Variants in LEFTY2 observed in about 807,000 individuals in gnomAD.
LEFTY2 encodes the protein left-right determination factor 2, also known as TGF-beta-4.
LEFTY2 carries 10 observed loss-of-function variants against 26.4 expected under a neutral mutation model. The ratio of observed to expected loss-of-function variants is 0.38; its 90% CI spans 0.23 to 0.64. LEFTY2 has a LOEUF of 0.64. LEFTY2 is among the 30% of genes least tolerant of loss of function. The probability of loss-of-function intolerance (pLI) is 0.56; values close to 1 mark genes in which losing one functional copy is unlikely to be tolerated. For missense variants in LEFTY2, 407 were observed against 502.1 expected (o/e 0.81, Z 1.81); for synonymous variants, 204 against 234.1 (o/e 0.87, Z 1.17).
chr1:225,937,236 G>C lies in LEFTY2; in HGVS notation c.*205C>G, dbSNP rs1307572057. 1 of 699,584 alleles carries C rather than the reference G, an allele frequency of 1.4e-6. No homozygotes were observed. Among genetic ancestry groups the C allele is most frequent in the African/African-American group, 1.8e-5 (1 of 56,080 alleles). The allele number at this position is 699,584 out of a possible 1,614,324, so 43.3% of individuals were successfully genotyped here. On this transcript the variant is annotated 3_prime_UTR_variant, in exon 4 of 4. Coordinates refer to ENST00000366820, the MANE Select transcript of LEFTY2 (RefSeq NM_003240.5). ...TGCCAGCATTTCCTACTAGAGCTCA[G>C]CATCTGAGCTGCATTATTTACTCAC...
Position 225,939,624 on chromosome 1 carries a change from G to A in LEFTY2, c.498-24C>T, listed in dbSNP as rs1672253642. On this transcript the variant is annotated intron_variant, in intron 2 of 3. Transcript: ENST00000366820. This position sits in a 1 kb window ranked among gnomAD's most constrained non-coding sequence, Gnocchi z 4.1. Reference sequence around the variant, plus strand: ...GCCTGAGACATGATACACACGACACGGAGACCCAGCGCCGCTTGAGGGCGG... The same window carrying A: ...GCCTGAGACATGATACACACGACACAGAGACCCAGCGCCGCTTGAGGGCGG... 1.9e-6 allele frequency: 3 copies of A among 1,612,380 alleles called. No homozygotes were observed. The highest frequency in any genetic ancestry group is 1.7e-4 in the Middle Eastern group (1 of 6,036).
At position 225,939,592 on chromosome 1, in the gene LEFTY2, G is replaced by C; in HGVS notation, c.506C>G (p.Ser169Cys). 1 of 1,612,612 alleles carries C rather than the reference G, an allele frequency of 6.2e-7. No homozygotes were observed. The highest frequency in any genetic ancestry group is 1.1e-5 in the South Asian group (1 of 91,090). The change falls in exon 3 of 4, where the codon TCC (serine) becomes TGC (cysteine). Residue 169 changes from serine (S) to cysteine (C), a missense_variant. By Grantham distance (112) the Ser-to-Cys change is moderately radical. Transcript: ENST00000366820. This position sits in a 1 kb window ranked among gnomAD's most constrained non-coding sequence, Gnocchi z 4.1. ...RTSLIDSRLV[S>C]VHESGWKAFD... is the part of the protein sequence containing the mutation. ...GGCCTTCCAGCCGCTCTCGTGGACG[G>C]ACACCAGCCTGAGACATGATACACA...
chr1:225,939,837 C>G lies in LEFTY2; in HGVS notation c.416G>C (p.Arg139Pro). ...ALHRHGRLSP[R>P]SAQARVTVEW... The stretch of plus-strand genomic sequence containing the variant: ...GACGGTCACCCGGGCCTGGGCGCTG[C>G]GCGGGGACAGCCGCCCGTGCCTGTG... The change falls in exon 2 of 4, where the codon CGC becomes CCC. Residue 139 changes from arginine (R) to proline (P), a missense_variant. Coordinates refer to ENST00000366820, the MANE Select transcript of LEFTY2 (RefSeq NM_003240.5). The surrounding 1 kb of genome is among the most constrained non-coding windows in gnomAD (Gnocchi z 4.1). 1 of 1,546,280 alleles carries G rather than the reference C, an allele frequency of 6.5e-7. No homozygotes were observed. Among genetic ancestry groups the G allele is most frequent in the Non-Finnish European group, 8.7e-7 (1 of 1,151,718 alleles).
rs748117464 is a variant in LEFTY2 at position 225,939,371 on chromosome 1, T to C, written c.727A>G (p.Arg243Gly). 21 of 1,613,574 alleles carry C rather than the reference T, an allele frequency of 1.3e-5. No homozygotes were observed. The highest frequency in any genetic ancestry group is 4.5e-5 in the East Asian group (2 of 44,856). Residue 243 changes from arginine (R) to glycine (G), a missense_variant, in exon 3 of 4, where the codon AGG becomes GGG. By Grantham distance (125) the Arg-to-Gly change is moderately radical. Transcript: ENST00000366820. This position sits in a 1 kb window ranked among gnomAD's most constrained non-coding sequence, Gnocchi z 4.1. ...PQLELHTLDL[R>G]DYGAQGDCDP... ...CAGTCCTGCACCTACCCATAGTCCC[T>C]GAGGTCCAGGGTGTGCAGCTCCAGC...
rs1395273330 is a variant in LEFTY2 at position 225,939,801 on chromosome 1, C to T, written c.452G>A (p.Arg151His). 24 of 1,561,056 alleles carry T rather than the reference C, an allele frequency of 1.5e-5. No individual in the cohort carries two copies. The highest frequency in any genetic ancestry group is 2.1e-5 in the Non-Finnish European group (24 of 1,158,426). ...AQARVTVEWL[R>H]VRDDGSNRTS... Reference sequence around the variant, plus strand: ...GCGGTTGGAGCCGTCGTCGCGGACGCGCAGCCACTCGACGGTCACCCGGGC... The same window carrying T: ...GCGGTTGGAGCCGTCGTCGCGGACGTGCAGCCACTCGACGGTCACCCGGGC... The change falls in exon 2 of 4, where the codon CGC (arginine) becomes CAC (histidine). Residue 151 changes from arginine (R) to histidine (H), a missense_variant. Coordinates refer to ENST00000366820, the MANE Select transcript of LEFTY2 (RefSeq NM_003240.5). The surrounding 1 kb of genome is among the most constrained non-coding windows in gnomAD (Gnocchi z 4.1).
chr1:225,937,539 T>C lies in LEFTY2; in HGVS notation c.1003A>G (p.Arg335Gly), dbSNP rs1672182533. 3 of 1,613,912 alleles carry C rather than the reference T, an allele frequency of 1.9e-6. No homozygotes were observed. The African/African-American group carries it at 4.0e-5, about 22-fold the overall frequency. Reference sequence around the variant, plus strand: ...AGGCTGACCACCTGGGGCCTGGTCCTGCCTCCCTCCTTGATGCTGACGATC... The same window carrying C: ...AGGCTGACCACCTGGGGCCTGGTCCCGCCTCCCTCCTTGATGCTGACGATC... The part of the protein sequence containing the change: ...PMIVSIKEGG[R>G]TRPQVVSLPN... The change falls in exon 4 of 4, where the codon AGG becomes GGG. Residue 335 changes from arginine (R) to glycine (G), a missense_variant. By Grantham distance (125) the Arg-to-Gly change is moderately radical. Coordinates refer to ENST00000366820, the MANE Select transcript of LEFTY2 (RefSeq NM_003240.5).
rs1186909641 is a variant in LEFTY2, at chr1:225,937,424, A to G, written c.*17T>C. The stretch of plus-strand genomic sequence containing the variant: ...TGCACACGTTCAGTTAGAGGGCTCA[A>G]TGGATACACCAGGCGCCTATGGCTG... On this transcript the variant is annotated 3_prime_UTR_variant, in exon 4 of 4. Transcript: ENST00000366820. 5.0e-6 allele frequency: 8 copies of G among 1,613,926 alleles called. No individual in the cohort carries two copies. In the East Asian group the frequency reaches 8.9e-5, roughly 18 times the overall value.
intron 3 of LEFTY2, among the ~76,000 whole-genome samples, chr1:225,938,139 G>A (rs944157379): frequency 1.3e-5 from 2 of 152,156 alleles, no homozygotes; most frequent in African/African-American, 2.4e-5. Flanking sequence ...TTCGGTGATG[G>A]GCCAGAGGAC....
In LEFTY2 at chr1:225,939,456, G is replaced by C; in HGVS notation, c.642C>G (p.Gly214=). The stretch of plus-strand genomic sequence containing the variant: ...AGGCAAAGCGGACCAGCTTGTGGGC[G>C]CCGGACGCCAGCGGGCCCAGATGCT... The part of the protein sequence containing the change: ...QREHLGPLAS[G]AHKLVRFASQ... Residue 214 remains glycine (G), a synonymous_variant, in exon 3 of 4, where the codon GGC becomes GGG. Transcript: ENST00000366820. The surrounding 1 kb of genome is among the most constrained non-coding windows in gnomAD (Gnocchi z 4.1). 2 of 1,610,342 alleles carry C rather than the reference G, an allele frequency of 1.2e-6. No homozygotes were observed.
rs1672239041 is a variant in LEFTY2 at position 225,939,306 on chromosome 1, G to A, written c.737+55C>T. ...GTCCCCCAGACAGTCCTGGGGACGG[G>A]GGTCTGGACCACTCAGTGGCTGCTT... On this transcript the variant is annotated intron_variant, in intron 3 of 3. Coordinates refer to ENST00000366820, the MANE Select transcript of LEFTY2 (RefSeq NM_003240.5). The surrounding 1 kb of genome is among the most constrained non-coding windows in gnomAD (Gnocchi z 4.1). 6.2e-7 allele frequency: 1 copy of A among 1,611,158 alleles called. No individual in the cohort carries two copies. The highest frequency in any genetic ancestry group is 1.7e-5 in the Admixed American group (1 of 59,748).
At position 225,939,638 on chromosome 1, in the gene LEFTY2, GC is replaced by G; in HGVS notation, c.498-39del. On this transcript the variant is annotated intron_variant, in intron 2 of 3. Transcript: ENST00000366820. The surrounding 1 kb of genome is among the most constrained non-coding windows in gnomAD (Gnocchi z 4.1). ...ACACACGACACGGAGACCCAGCGCC[GC>G]TTGAGGGCGGGGACTGGGACGGGCC... 1.2e-6 allele frequency: 2 copies of G among 1,612,250 alleles called. No individual in the cohort carries two copies. Among genetic ancestry groups the G allele is most frequent in the East Asian group, 4.5e-5 (2 of 44,850 alleles).
Position 225,939,978 on chromosome 1 carries a change from G to C in LEFTY2, c.275C>G (p.Ser92Trp), listed in dbSNP as rs366439. 2 of 1,595,286 alleles carry C rather than the reference G, an allele frequency of 1.3e-6. No homozygotes were observed. The highest frequency in any genetic ancestry group is 2.7e-5 in the African/African-American group (2 of 74,852). Reference sequence around the variant, plus strand: ...CACCAGCAGGTGTGTGCTGGCCTCCGACGCCAGGAACCTGCCGGCCACCTC... The same window carrying C: ...CACCAGCAGGTGTGTGCTGGCCTCCCACGCCAGGAACCTGCCGGCCACCTC... ...FREVAGRFLA[S>W]EASTHLLVFG... is the part of the protein sequence containing the mutation. Residue 92 changes from serine (S) to tryptophan (W), a missense_variant, in exon 2 of 4, where the codon TCG becomes TGG. By Grantham distance (177) the Ser-to-Trp change is radical (BLOSUM62 -3). Coordinates refer to ENST00000366820, the MANE Select transcript of LEFTY2 (RefSeq NM_003240.5). This position sits in a 1 kb window ranked among gnomAD's most constrained non-coding sequence, Gnocchi z 4.1.
rs2102680990 is a variant in LEFTY2 at position 225,937,446 on chromosome 1, G to A, written c.1096C>T (p.Pro366Ser). The A allele has an allele frequency of 6.2e-7, 1 of 1,613,900 alleles. No homozygotes were observed. Among genetic ancestry groups the A allele is most frequent in the South Asian group, 1.1e-5 (1 of 91,076 alleles). Residue 366 changes from proline to serine, a missense_variant, in exon 4 of 4, where the codon CCA becomes TCA. Transcript: ENST00000366820. ...TCAATGGATACACCAGGCGCCTATG[G>A]CTGGAGCCTCCTTGGCACGAGCGCC... Reference protein sequence around the residue: ...DGALVPRRLQP With the variant: ...DGALVPRRLQS
In LEFTY2 at chr1:225,937,115, G is replaced by T; in HGVS notation, c.*326C>A. On this transcript the variant is annotated 3_prime_UTR_variant, in exon 4 of 4. Coordinates refer to ENST00000366820, the MANE Select transcript of LEFTY2 (RefSeq NM_003240.5). ...TCTGTTTCCCCAGTTCTAATCATAG[G>T]GTATTATTGTTCCAGACTCAGTGAA... 2.1e-6 allele frequency: 1 copy of T among 472,354 alleles called. No individual in the cohort carries two copies. Among genetic ancestry groups the T allele is most frequent in the Non-Finnish European group, 3.9e-6 (1 of 258,130 alleles). The allele number at this position is 472,354 out of a possible 1,614,324, so 29.3% of individuals were successfully genotyped here.
chr1:225,937,854 C>G (rs367895949), intron 3 of LEFTY2, 50 bp from the exon 4 acceptor site: 1 of 1,587,558 alleles, frequency 6.3e-7, no homozygotes, highest in East Asian at 2.3e-5. Context: ...AGGCTGAAGT[C>G]AGAAGGCCTG....
In LEFTY2 at chr1:225,940,054, T is replaced by C. The variant is rs1262569784; in HGVS notation, c.251-52A>G. The C allele has an allele frequency of 4.4e-6, 7 of 1,594,232 alleles. No individual in the cohort carries two copies. The Admixed American group carries it at 1.2e-4, about 27-fold the overall frequency. On this transcript the variant is annotated intron_variant, in intron 1 of 3. Coordinates refer to ENST00000366820, the MANE Select transcript of LEFTY2 (RefSeq NM_003240.5). ...GCCTCCCCGGACTCCAGCGGAGCTC[T>C]GAGGATGGCAGGGCCACTGAGCTGG...
chr1:225,939,222 G>A lies in LEFTY2; in HGVS notation c.737+139C>T. 7 of 1,354,602 alleles carry A rather than the reference G, an allele frequency of 5.2e-6. No homozygotes were observed. The highest frequency in any genetic ancestry group is 7.1e-6 in the Non-Finnish European group (7 of 986,216). 83.9% of individuals were successfully genotyped at this position (1,354,602 alleles called of 1,614,324 possible). A position where few individuals can be genotyped will look rare whatever the true frequency, so the allele number is the denominator to read the frequency against. On this transcript the variant is annotated intron_variant, in intron 3 of 3. Transcript: ENST00000366820. This position sits in a 1 kb window ranked among gnomAD's most constrained non-coding sequence, Gnocchi z 4.1. The stretch of plus-strand genomic sequence containing the variant: ...CCCTGACATGTAGTGGGCAATCGCT[G>A]GCATCCTGGGACAGTCTGCACCGCG...
intron 3 of LEFTY2, 92 bp from the exon 4 acceptor site, chr1:225,937,896 G>T: frequency 2.0e-6 from 3 of 1,472,028 alleles, no homozygotes; most frequent in Non-Finnish European, 2.7e-6. Flanking sequence ...TGGGAGGGAG[G>T]TTTATGATCC....
rs1333992399 is a variant in LEFTY2 at position 225,937,628 on chromosome 1, G to T, written c.914C>A (p.Ala305Asp). Reference sequence around the variant, plus strand: ...CGGCCCCAGAAATGGCCAATTGAAGGCCAGGGCCTCCGGGGGCTGCTGGCA... The same window carrying T: ...CGGCCCCAGAAATGGCCAATTGAAGTCCAGGGCCTCCGGGGGCTGCTGGCA... The part of the protein sequence containing the change: ...GTCQQPPEAL[A>D]FNWPFLGPRQ... Residue 305 changes from alanine to aspartate, a missense_variant, in exon 4 of 4, where the codon GCC becomes GAC. By Grantham distance (126) the Ala-to-Asp change is moderately radical. Transcript: ENST00000366820. 1 of 1,614,142 alleles carries T rather than the reference G, an allele frequency of 6.2e-7. No individual in the cohort carries two copies. Among genetic ancestry groups the T allele is most frequent in the East Asian group, 2.2e-5 (1 of 44,890 alleles).
Sources: gnomAD v4.1 joint callset for allele counts (sites outside exome capture counted in the v4.1 genomes callset) on GRCh38, gnomAD v4.1.1 for gene constraint, Gnocchi (gnomAD v3.1) non-coding constraint, MANE v1.5 for transcripts, NCBI Gene and HGNC (gene_info 2026-07-23, HGNC 2026-07-21) for gene names.